SCUBE1: variants seen among roughly 807,000 people sequenced by gnomAD.
The protein encoded by SCUBE1 is signal peptide, CUB domain and EGF like domain containing 1.
Under a neutral mutation model 124.4 loss-of-function variants are expected in SCUBE1, and 59 were observed. The ratio of observed to expected loss-of-function variants is 0.47; its 90% CI spans 0.38 to 0.59. The LOEUF (loss-of-function observed/expected upper bound fraction) is 0.59. SCUBE1 is among the 20% of genes least tolerant of loss of function. The pLI is 0.00. For synonymous variants in SCUBE1, 545 were observed against 550.9 expected, an observed-to-expected ratio of 0.99 and a Z score of 0.15; for missense variants, 1,150 against 1,371.2, an observed-to-expected ratio of 0.84 and a Z score of 2.55.
At chr22:43,286,008 T>C (rs1321665287) in intron 4 of SCUBE1, among the ~76,000 whole-genome samples, 2 of 152,200 alleles carry the variant, frequency 1.3e-5, no homozygotes, top group South Asian at 2.1e-4. Flanking sequence ...AACAGGCTCC[T>C]GTGCAGCACC....
chr22:43,240,249 C>T (rs963104310), intron 6 of SCUBE1, among the ~76,000 whole-genome samples: 36 of 152,294 alleles, frequency 2.4e-4, no homozygotes, highest in African/African-American at 7.9e-4. Flanking sequence ...TGACACTCTT[C>T]CTGGCTCGTC....
intron 3 of SCUBE1, among the ~76,000 whole-genome samples, chr22:43,317,663 T>A (rs1018885557): frequency 2.0e-5 from 3 of 152,242 alleles, no homozygotes; most frequent in Admixed American, 1.3e-4. Context: ...GACAGACACG[T>A]CTGCTTTGAG....
Position 43,328,406 on chromosome 22 carries a change from A to G in SCUBE1, c.221-8341T>C, listed in dbSNP as rs1216066505. Among the ~76,000 whole-genome samples, 9 of 152,274 alleles carry G rather than the reference A, an allele frequency of 5.9e-5. No individual in the cohort carries two copies. The East Asian group carries it at 1.5e-3, about 26-fold the overall frequency. On this transcript the variant is annotated intron_variant, in intron 2 of 21. Transcript: ENST00000360835. The stretch of plus-strand genomic sequence containing the variant: ...GTCATTCCCCCATCCCCTTAGGGAA[A>G]GGCCAAGGGGAGGCCCGAGACCCAA...
chr22:43,243,296 G>A (rs1923079819), intron 6 of SCUBE1, among the ~76,000 whole-genome samples: 1 of 152,250 alleles, frequency 6.6e-6, no homozygotes, highest in Admixed American at 6.5e-5. Flanking sequence ...CTGGTGGGGA[G>A]AGCGCTCACC....
intron 4 of SCUBE1, among the ~76,000 whole-genome samples, chr22:43,289,387 C>A (rs1925270436): frequency 6.6e-6 from 1 of 152,228 alleles, no homozygotes; most frequent in Non-Finnish European, 1.5e-5. Flanking sequence ...CCGGGAGCCA[C>A]CTGGGTGGAG....
chr22:43,318,535 C>A (rs929807117), intron 3 of SCUBE1, among the ~76,000 whole-genome samples: 1 of 152,050 alleles, frequency 6.6e-6, no homozygotes, highest in Non-Finnish European at 1.5e-5. Context: ...GCCTGAGGTA[C>A]GCATGATATT....
chr22:43,262,989 G>T, intron 4 of SCUBE1, 144 bp from the exon 5 acceptor site: 1 of 826,012 alleles, frequency 1.2e-6, no homozygotes, highest in Non-Finnish European at 1.9e-6. Flanking sequence ...ACGCACTTGC[G>T]CACACACACA....
chr22:43,248,237 G>A (rs191027065), intron 6 of SCUBE1, among the ~76,000 whole-genome samples: 98 of 152,316 alleles, frequency 6.4e-4, no homozygotes, highest in Non-Finnish European at 1.1e-3. Context: ...CCATTGGGAT[G>A]GAGTACAGTG....
rs1269466104 is a variant in SCUBE1, at chr22:43,258,070, G to A, written c.727+149C>T. 9 of 660,290 alleles carry A rather than the reference G, an allele frequency of 1.4e-5. No homozygotes were observed. The highest frequency in any genetic ancestry group is 1.9e-5 in the Non-Finnish European group (7 of 371,224). 40.9% of individuals were successfully genotyped at this position (660,290 alleles called of 1,614,324 possible). On this transcript the variant is annotated intron_variant, in intron 6 of 21. Coordinates refer to ENST00000360835, the MANE Select transcript of SCUBE1 (RefSeq NM_173050.5). This position sits in a 1 kb window ranked among gnomAD's most constrained non-coding sequence, Gnocchi z 5.0. ...CTCCCCAGGGGCGCCGGCCATCCCC[G>A]CCATTGCCATGGGCTTGCCTTTCCT...
intron 6 of SCUBE1, among the ~76,000 whole-genome samples, chr22:43,241,149 A>T (rs534350210): frequency 1.3e-5 from 2 of 152,228 alleles, no homozygotes; most frequent in African/African-American, 4.8e-5. Context: ...GCTCCACCTG[A>T]AAGGTCACCC....
At chr22:43,318,513 G>T (rs559808971) in intron 3 of SCUBE1, among the ~76,000 whole-genome samples, 1 of 152,158 alleles carries the variant, frequency 6.6e-6, no homozygotes, top group East Asian at 1.9e-4. Context: ...TGTCTCAAAA[G>T]AAAACCAAAA....
chr22:43,216,325 G>A (rs1921808915), intron 15 of SCUBE1, among the ~76,000 whole-genome samples: 2 of 151,104 alleles, frequency 1.3e-5, no homozygotes, highest in African/African-American at 4.9e-5. Context: ...GGGATTACAG[G>A]CGTGAGCTAC....
intron 3 of SCUBE1, among the ~76,000 whole-genome samples, chr22:43,296,200 C>T (rs1012620273): frequency 5.3e-5 from 8 of 152,220 alleles, no homozygotes; most frequent in East Asian, 1.9e-4. Context: ...CAGCTCTGTT[C>T]GGGTCCCCAC....
chr22:43,314,130 G>A (rs1267282055), intron 3 of SCUBE1, among the ~76,000 whole-genome samples: 1 of 152,140 alleles, frequency 6.6e-6, no homozygotes, highest in Non-Finnish European at 1.5e-5. Context: ...ACAAGGCAGC[G>A]GAGACAGAGA....
intron 4 of SCUBE1, among the ~76,000 whole-genome samples, chr22:43,286,429 T>C (rs907631035): frequency 6.6e-6 from 1 of 152,238 alleles, no homozygotes; most frequent in African/African-American, 2.4e-5. Context: ...ACAGGCGGCG[T>C]CTGATGAGGC....
Position 43,211,074 on chromosome 22 carries a change from G to T in SCUBE1, c.2231C>A (p.Ser744Tyr). 1.2e-6 allele frequency: 2 copies of T among 1,611,282 alleles called. No homozygotes were observed. The highest frequency in any genetic ancestry group is 2.2e-5 in the East Asian group (1 of 44,810). ...GGTGGTGTTGTAGTGGTGGCCGGGG[G>T]AGCAGTGCACTGCCGGGGGACACAA... ...FQDCEAKVHCSPGHHYNTTTH... is the reference protein window; with the variant it reads ...FQDCEAKVHCYPGHHYNTTTH... The change falls in exon 18 of 22, where the codon TCC (serine) becomes TAC (tyrosine). Residue 744 changes from serine to tyrosine, a missense_variant. Around this residue, in one of 3 missense-constraint regions of SCUBE1, gnomAD observed 757 missense variants for 840.9 expected, o/e 0.90. Coordinates refer to ENST00000360835, the MANE Select transcript of SCUBE1 (RefSeq NM_173050.5). The surrounding 1 kb of genome is among the most constrained non-coding windows in gnomAD (Gnocchi z 4.5).
At chr22:43,308,898 A>T (rs900704690) in intron 3 of SCUBE1, among the ~76,000 whole-genome samples, 2 of 152,262 alleles carry the variant, frequency 1.3e-5, no homozygotes, top group Non-Finnish European at 2.9e-5. Flanking sequence ...AAATGAGATG[A>T]TGTGTCCCAA....
rs191546450 is a variant in SCUBE1 at position 43,330,635 on chromosome 22, C to A, written c.220+8469G>T. On this transcript the variant is annotated intron_variant, in intron 2 of 21. Coordinates refer to ENST00000360835, the MANE Select transcript of SCUBE1 (RefSeq NM_173050.5). ...TCCAGTCCAGTGCACACACATTTTA[C>A]GGATGGGCAAACTGAGGCTCAGGGG... 1.5e-3 allele frequency among the ~76,000 whole-genome samples: 223 copies of A among 152,330 alleles called. 1 individual carries two copies. The highest frequency in any genetic ancestry group is 2.5e-3 in the Non-Finnish European group (171 of 68,022).
chr22:43,230,849 T>C (rs1232712449), intron 8 of SCUBE1, among the ~76,000 whole-genome samples: 3 of 152,144 alleles, frequency 2.0e-5, no homozygotes, highest in African/African-American at 7.2e-5. Context: ...CCCTCGCTCC[T>C]CAGGGCCTCA....
Sources: allele counts gnomAD v4.1 joint callset (sites outside exome capture counted in the v4.1 genomes callset), GRCh38; gene constraint gnomAD v4.1.1; regional missense constraint gnomAD v4.1.1; non-coding constraint Gnocchi (gnomAD v3.1); transcripts MANE v1.5; gene names NCBI Gene and HGNC (gene_info 2026-07-23, HGNC 2026-07-21).